Variants in DYRK1A observed in about 807,000 individuals in gnomAD.
DYRK1A encodes dual specificity tyrosine phosphorylation regulated kinase 1A.
Under a neutral mutation model 79.7 loss-of-function variants are expected in DYRK1A, and 9 were observed. The observed-to-expected ratio is 0.11, with a 90% CI of 0.07 to 0.20. The LOEUF is 0.20. Among genes scored for constraint, DYRK1A ranks in the 10% least tolerant of loss-of-function variants. The probability of loss-of-function intolerance (pLI) is 1.00; values close to 1 mark genes in which losing one functional copy is unlikely to be tolerated. For synonymous variants in DYRK1A, 349 were observed against 329.7 expected (o/e 1.06, Z -0.63); for missense variants, 622 against 956.0 (o/e 0.65, Z 4.61).
At chr21:37,457,040 A>AG (rs879364665) in intron 2 of DYRK1A, among the ~76,000 whole-genome samples, 2 of 43,256 alleles carry the variant, frequency 4.6e-5, no homozygotes, top group African/African-American at 8.1e-5. Flanking sequence ...TTACTTACTT[A>AG]TTTATTTATT....
intron 1 of DYRK1A, among the ~76,000 whole-genome samples, chr21:37,387,806 ACTGGGT>A (rs1260976943): frequency 6.6e-6 from 1 of 152,204 alleles, no homozygotes; most frequent in Non-Finnish European, 1.5e-5. Context: ...AAAAGTTTTG[ACTGGGT>A]ATAGAAATGG....
At chr21:37,399,992 C>A (rs890834369) in intron 1 of DYRK1A, among the ~76,000 whole-genome samples, 1 of 152,134 alleles carries the variant, frequency 6.6e-6, no homozygotes, top group African/African-American at 2.4e-5. Context: ...GAAATTTATT[C>A]TCTTACAGTT....
intron 1 of DYRK1A, among the ~76,000 whole-genome samples, chr21:37,373,676 C>A (rs2049478690): frequency 6.6e-6 from 1 of 152,194 alleles, no homozygotes; most frequent in Admixed American, 6.5e-5. Context: ...CACATTCCAT[C>A]CCTTTAAAGA....
At chr21:37,396,396 G>A (rs1030209055) in intron 1 of DYRK1A, among the ~76,000 whole-genome samples, 3 of 152,110 alleles carry the variant, frequency 2.0e-5, no homozygotes, top group African/African-American at 7.2e-5. Context: ...AGAGTTAAAG[G>A]CATAGTATAG....
intron 2 of DYRK1A, among the ~76,000 whole-genome samples, chr21:37,423,377 TG>T (rs1481033746): frequency 6.6e-6 from 1 of 152,140 alleles, no homozygotes; most frequent in East Asian, 1.9e-4. Context: ...CAACATCATT[TG>T]GGGAACCTAG....
intron 2 of DYRK1A, among the ~76,000 whole-genome samples, chr21:37,439,782 A>T (rs1461847427): frequency 1.3e-5 from 2 of 152,128 alleles, no homozygotes; most frequent in Middle Eastern, 6.3e-3. Context: ...ATTTCTAGTT[A>T]ATGAAAGTTT....
At chr21:37,406,240 G>A (rs993351924) in intron 1 of DYRK1A, among the ~76,000 whole-genome samples, 1 of 152,074 alleles carries the variant, frequency 6.6e-6, no homozygotes, top group Non-Finnish European at 1.5e-5. Flanking sequence ...ACTACAGAGT[G>A]TTTACTGGTT....
chr21:37,487,016 C>G (rs1245495295), intron 6 of DYRK1A: 1 of 153,400 alleles, frequency 6.5e-6, no homozygotes, highest in East Asian at 1.9e-4. Flanking sequence ...TTTGGGGCAT[C>G]TGCAACAAGA....
chr21:37,372,489 C>T (rs1002137353), intron 1 of DYRK1A, among the ~76,000 whole-genome samples: 1 of 151,350 alleles, frequency 6.6e-6, no homozygotes, highest in African/African-American at 2.4e-5. Context: ...ATCTGTCTGT[C>T]TGCTTGCTAT....
intron 2 of DYRK1A, among the ~76,000 whole-genome samples, chr21:37,464,826 C>A (rs1017612443): frequency 1.3e-5 from 2 of 152,064 alleles, no homozygotes; most frequent in Non-Finnish European, 2.9e-5. Context: ...TCATTTTTTC[C>A]ATTAACATTT....
chr21:37,516,537 A>G lies in DYRK1A; in HGVS notation c.*4006A>G, dbSNP rs1331453999. The G allele has an allele frequency of 1.3e-5, 2 of 152,202 alleles. No homozygotes were observed. Among genetic ancestry groups the G allele is most frequent in the Non-Finnish European group, 2.9e-5 (2 of 68,046 alleles). 9.4% of individuals were successfully genotyped at this position (152,202 alleles called of 1,614,324 possible). ...TTGTTATCCTCCCTTTTAATGACTA[A>G]CCTTAATCCAAATGAATCCACTGAG... On this transcript the variant is annotated 3_prime_UTR_variant, in exon 12 of 12. Coordinates refer to ENST00000647188, the MANE Select transcript of DYRK1A (RefSeq NM_001347721.2).
intron 2 of DYRK1A, among the ~76,000 whole-genome samples, chr21:37,463,649 C>A (rs1489311950): frequency 6.6e-6 from 1 of 152,226 alleles, no homozygotes; most frequent in African/African-American, 2.4e-5. Context: ...TGAATGCAGG[C>A]CATGTGCCAG....
At chr21:37,509,141 A>AAG (rs1216625462) in intron 11 of DYRK1A, among the ~76,000 whole-genome samples, 1 of 152,226 alleles carries the variant, frequency 6.6e-6, no homozygotes, top group Admixed American at 6.5e-5. Context: ...CATGCCTTCT[A>AAG]GCCCCTCAAT....
At position 37,490,236 on chromosome 21, in the gene DYRK1A, C is replaced by T. The variant is rs1287846598; in HGVS notation, c.699C>T (p.Ser233=). The part of the protein sequence containing the change: ...NHLCLVFEML[S]YNLYDLLRNT... Reference sequence around the variant, plus strand: ...TCTGTTTAGTTTTTGAAATGCTGTCCTACAACCTCTATGACTTGCTGAGAA... The same window carrying T: ...TCTGTTTAGTTTTTGAAATGCTGTCTTACAACCTCTATGACTTGCTGAGAA... The change falls in exon 7 of 12, where the codon TCC becomes TCT. Residue 233 remains serine, a synonymous_variant. Transcript: ENST00000647188. 1 of 1,613,624 alleles carries T rather than the reference C, an allele frequency of 6.2e-7. No individual in the cohort carries two copies. Among genetic ancestry groups the T allele is most frequent in the East Asian group, 2.2e-5 (1 of 44,878 alleles).
chr21:37,469,698 T>C (rs957816953), intron 2 of DYRK1A, among the ~76,000 whole-genome samples: 1 of 152,124 alleles, frequency 6.6e-6, no homozygotes, highest in African/African-American at 2.4e-5. Context: ...AACAGCCTTT[T>C]TTCGTGAGAA....
chr21:37,475,012 A>G (rs978152679), intron 3 of DYRK1A, among the ~76,000 whole-genome samples: 1 of 152,254 alleles, frequency 6.6e-6, no homozygotes, highest in Non-Finnish European at 1.5e-5. Context: ...ATTATAATGG[A>G]AAACAGTTTT....
chr21:37,485,099 A>G (rs923526494), intron 5 of DYRK1A, among the ~76,000 whole-genome samples: 1 of 152,216 alleles, frequency 6.6e-6, no homozygotes, highest in African/African-American at 2.4e-5. Context: ...TCTGGGCTCC[A>G]GGCCAGTTAA....
chr21:37,501,211 G>T (rs1398865423), intron 9 of DYRK1A: 2 of 128,308 alleles, frequency 1.6e-5, no homozygotes, highest in African/African-American at 6.2e-5. Flanking sequence ...TCGCTCTGTT[G>T]CCAGGCTGGA....
chr21:37,491,161 C>T (rs1012600030), intron 7 of DYRK1A, among the ~76,000 whole-genome samples: 1 of 151,972 alleles, frequency 6.6e-6, no homozygotes, highest in Non-Finnish European at 1.5e-5. Context: ...TGGTTTTTTT[C>T]AGACTGCTAA....
Sources: gnomAD v4.1 joint callset for allele counts (sites outside exome capture counted in the v4.1 genomes callset) on GRCh38, gnomAD v4.1.1 for gene constraint, MANE v1.5 for transcripts, NCBI Gene and HGNC (gene_info 2026-07-23, HGNC 2026-07-21) for gene names.